XDH: variants seen among roughly 807,000 people sequenced by gnomAD.
XDH encodes xanthine dehydrogenase.
A neutral mutation model predicts 156.1 loss-of-function variants in XDH; 138 were observed. That is an observed-to-expected ratio of 0.88 (90% confidence interval 0.77 to 1.02). The LOEUF is 1.02. Among genes scored for constraint, XDH ranks in the 50% least tolerant of loss-of-function variants. The pLI, the probability that XDH is intolerant of heterozygous loss-of-function variation, is 0.00. For synonymous variants in XDH, 669 were observed against 625.7 expected (o/e 1.07, Z -1.03); for missense variants, 1,849 against 1,684.9 (o/e 1.10, Z -1.71).
chr2:31,380,113 T>C (rs559779373), intron 12 of XDH, 137 bp from the exon 13 acceptor site: 52 of 818,258 alleles, frequency 6.4e-5, no homozygotes, highest in Middle Eastern at 3.3e-4. Context: ...ACTGGCACAA[T>C]TGGGGCCAAA....
chr2:31,339,760 G>A (rs1474971479), intron 33 of XDH, 83 bp from the exon 34 acceptor site: 85 of 1,540,720 alleles, frequency 5.5e-5, no homozygotes, highest in South Asian at 7.0e-5. Context: ...GACACAAAGC[G>A]CCAACTGCAG....
chr2:31,406,617 C>T (rs1467926296), intron 1 of XDH, among the ~76,000 whole-genome samples: 2 of 152,188 alleles, frequency 1.3e-5, no homozygotes, highest in African/African-American at 2.4e-5. Context: ...TGGGACCCAC[C>T]ACAGAACATG....
chr2:31,394,123 C>G (rs1686841801), intron 6 of XDH, among the ~76,000 whole-genome samples: 1 of 152,106 alleles, frequency 6.6e-6, no homozygotes, highest in African/African-American at 2.4e-5. Context: ...TTCATTCTCT[C>G]ATGCTCTTCC....
intron 4 of XDH, among the ~76,000 whole-genome samples, chr2:31,400,210 A>T (rs1278883524): frequency 6.6e-6 from 1 of 151,280 alleles, no homozygotes; most frequent in Non-Finnish European, 1.5e-5. Context: ...GGGAGGATTA[A>T]GACCTGGGCC....
chr2:31,368,428 C>T, intron 19 of XDH, 113 bp downstream of exon 19: 1 of 1,371,320 alleles, frequency 7.3e-7, no homozygotes, highest in South Asian at 1.2e-5. Flanking sequence ...ATTTAAAAAC[C>T]CATCTAGTCA....
chr2:31,409,423 T>C (rs1364740779), intron 1 of XDH, among the ~76,000 whole-genome samples: 2 of 152,278 alleles, frequency 1.3e-5, no homozygotes, highest in Middle Eastern at 3.4e-3. Context: ...AGATCTACTA[T>C]GTACCCCCAA....
At chr2:31,383,679 G>A in intron 10 of XDH, 76 bp downstream of exon 10, 4 of 1,425,416 alleles carry the variant, frequency 2.8e-6, no homozygotes, top group Non-Finnish European at 3.9e-6. Flanking sequence ...AGACCACCCT[G>A]ATACCTGCCA....
chr2:31,343,308 A>ATATATATATATATATGTGCATGTT, intron 31 of XDH, among the ~76,000 whole-genome samples: 1 of 98,474 alleles, frequency 1.0e-5, no homozygotes, highest in East Asian at 3.1e-4. Flanking sequence ...ATATATATAT[A>ATATATATATATATATGTGCATGTT]TATATATATA....
rs376072451 is a variant in XDH, at chr2:31,350,125, C to A, written c.2730G>T (p.Thr910=). ...RLCKTNLPSN[T]AFRGFGGPQG... is the part of the protein sequence containing the mutation. Reference sequence around the variant, plus strand: ...GGGGCCCCCCAAAGCCCCGGAAGGCCGTGTTGGAGGGAAGGTTGGTTTTGC... The same window carrying A: ...GGGGCCCCCCAAAGCCCCGGAAGGCAGTGTTGGAGGGAAGGTTGGTTTTGC... Residue 910 remains threonine (T), a synonymous_variant, in exon 25 of 36, where the codon ACG becomes ACT. Transcript: ENST00000379416. 7.4e-6 allele frequency: 12 copies of A among 1,614,086 alleles called. No homozygotes were observed. Among genetic ancestry groups the A allele is most frequent in the African/African-American group, 5.3e-5 (4 of 74,934 alleles).
intron 20 of XDH, among the ~76,000 whole-genome samples, chr2:31,367,713 G>A (rs1017583069): frequency 4.6e-5 from 7 of 152,080 alleles, no homozygotes; most frequent in African/African-American, 7.2e-5. Context: ...TTGGTCTTCC[G>A]GATCAGAATA....
chr2:31,380,070 G>A, intron 12 of XDH, 94 bp from the exon 13 acceptor site: 1 of 1,238,402 alleles, frequency 8.1e-7, no homozygotes, highest in Non-Finnish European at 1.2e-6. Flanking sequence ...GATTCTTCAT[G>A]CTGGTCTCCA....
At chr2:31,340,038 C>A (rs944114985) in intron 33 of XDH, among the ~76,000 whole-genome samples, 1 of 152,232 alleles carries the variant, frequency 6.6e-6, no homozygotes, top group South Asian at 2.1e-4. Flanking sequence ...ATAGTAGATT[C>A]TTTGAGACTT....
chr2:31,403,159 G>T lies in XDH; in HGVS notation c.101-15C>A. 1 of 1,613,846 alleles carries T rather than the reference G, an allele frequency of 6.2e-7. No homozygotes were observed. The highest frequency in any genetic ancestry group is 8.5e-7 in the Non-Finnish European group (1 of 1,179,856). ...ACTCAGCCCCACTGGGTGGTCAAGA[G>T]TTAAGGAGAATGAACTCAGGGAGAG... On this transcript the variant is annotated splice_polypyrimidine_tract_variant and intron_variant, in intron 2 of 35. Transcript: ENST00000379416.
At position 31,381,826 on chromosome 2, in the gene XDH, G is replaced by A. The variant is rs914927582; in HGVS notation, c.1039-100C>T. ...ACCAGCCAGGTGACACCTGCTGCAG[G>A]CAAACCCCTGAGGTCCTGTGCCTAC... On this transcript the variant is annotated intron_variant, in intron 11 of 35. Coordinates refer to ENST00000379416, the MANE Select transcript of XDH (RefSeq NM_000379.4). The A allele has an allele frequency of 2.9e-5, 31 of 1,077,374 alleles. No homozygotes were observed. In the African/African-American group the frequency reaches 4.5e-4, roughly 16 times the overall value. The allele number at this position is 1,077,374 out of a possible 1,614,324, so 66.7% of individuals were successfully genotyped here.
At chr2:31,404,531 C>T (rs1312379635) in intron 2 of XDH, among the ~76,000 whole-genome samples, 2 of 152,236 alleles carry the variant, frequency 1.3e-5, no homozygotes, top group Non-Finnish European at 2.9e-5. Context: ...AGATGTGACA[C>T]AGCCAATTGC....
chr2:31,347,011 C>T (rs752284861), intron 29 of XDH, among the ~76,000 whole-genome samples, 168 bp from the exon 30 acceptor site: 22 of 152,188 alleles, frequency 1.4e-4, no homozygotes, highest in Non-Finnish European at 2.6e-4. Flanking sequence ...AGGGTAGAAT[C>T]GACAGGACCT....
intron 14 of XDH, among the ~76,000 whole-genome samples, chr2:31,376,280 C>T (rs1686242052): frequency 6.6e-6 from 1 of 150,604 alleles, no homozygotes; most frequent in Non-Finnish European, 1.5e-5. Flanking sequence ...GTCATAGAAG[C>T]AGTTGTCATA....
Position 31,386,349 on chromosome 2 carries a change from G to T in XDH, c.793+65C>A. 4 of 1,597,658 alleles carry T rather than the reference G, an allele frequency of 2.5e-6. No homozygotes were observed. In the South Asian group the frequency reaches 3.3e-5, roughly 13 times the overall value. ...TAAAGTCAGGGGGAGGTGAGGATGG[G>T]CAAGAGGACCTAGAAACACCCCCAG... On this transcript the variant is annotated intron_variant, in intron 9 of 35. Coordinates refer to ENST00000379416, the MANE Select transcript of XDH (RefSeq NM_000379.4).
chr2:31,411,463 T>C (rs796115797), intron 1 of XDH, among the ~76,000 whole-genome samples: 41 of 152,106 alleles, frequency 2.7e-4, no homozygotes, highest in African/African-American at 9.6e-4. Context: ...TGTGTATCTG[T>C]GTGTGTGTCC....
Sources: allele counts gnomAD v4.1 joint callset (sites outside exome capture counted in the v4.1 genomes callset), GRCh38; gene constraint gnomAD v4.1.1; transcripts MANE v1.5; gene names NCBI Gene and HGNC (gene_info 2026-07-23, HGNC 2026-07-21).